ITGA8: variants seen among roughly 807,000 people sequenced by gnomAD.
The protein encoded by ITGA8 is integrin subunit alpha 8.
In ITGA8, 91 loss-of-function variants were observed where a neutral mutation model predicts 142.3. The ratio of observed to expected loss-of-function variants is 0.64; its 90% CI spans 0.54 to 0.76. ITGA8 has a LOEUF of 0.76. Among genes scored for constraint, ITGA8 ranks in the 30% least tolerant of loss-of-function variants. The probability of loss-of-function intolerance (pLI) is 0.00; values close to 1 mark genes in which losing one functional copy is unlikely to be tolerated. For synonymous variants in ITGA8, 505 were observed against 485.2 expected (o/e 1.04, Z -0.54); for missense variants, 1,406 against 1,327.7 (o/e 1.06, Z -0.92).
At chr10:15,695,673 G>A (rs1270282183) in intron 2 of ITGA8, among the ~76,000 whole-genome samples, 1 of 152,306 alleles carries the variant, frequency 6.6e-6, no homozygotes, top group African/African-American at 2.4e-5. Flanking sequence ...TTTATGGCAA[G>A]GACTGAAAGT....
At chr10:15,533,414 G>A (rs1833351734) in intron 27 of ITGA8, among the ~76,000 whole-genome samples, 1 of 152,142 alleles carries the variant, frequency 6.6e-6, no homozygotes, top group Admixed American at 6.5e-5. Flanking sequence ...TTTGAGAAGG[G>A]TTTTTATACA....
At chr10:15,606,222 A>G in intron 18 of ITGA8, 63 bp downstream of exon 18, 1 of 1,444,530 alleles carries the variant, frequency 6.9e-7, no homozygotes, top group South Asian at 1.4e-5. Context: ...TCTTAAAGCC[A>G]TGAGAACAAC....
At chr10:15,654,055 C>T (rs1440440628) in intron 11 of ITGA8, among the ~76,000 whole-genome samples, 2 of 152,054 alleles carry the variant, frequency 1.3e-5, no homozygotes, top group Non-Finnish European at 2.9e-5. Context: ...AGGCTGGCCT[C>T]GACCTCCTGA....
At chr10:15,648,133 T>G (rs1834020892) in intron 11 of ITGA8, among the ~76,000 whole-genome samples, 1 of 152,192 alleles carries the variant, frequency 6.6e-6, no homozygotes, top group East Asian at 1.9e-4. Flanking sequence ...TGATTTGATT[T>G]TTTAAAAAGG....
chr10:15,571,204 G>T (rs984750596), intron 25 of ITGA8, among the ~76,000 whole-genome samples: 2 of 152,162 alleles, frequency 1.3e-5, no homozygotes, highest in African/African-American at 4.8e-5. Context: ...TGAATAGGAG[G>T]CATGTTGGGT....
chr10:15,594,791 C>CA (rs36000683), intron 21 of ITGA8, among the ~76,000 whole-genome samples: 2,468 of 151,798 alleles, frequency 0.016, 28 homozygotes, highest in African/African-American at 0.028. Context: ...CAAAACAAAA[C>CA]AAAAAAAATG....
intron 2 of ITGA8, 88 bp from the exon 3 acceptor site, chr10:15,688,126 G>A: frequency 2.3e-6 from 2 of 881,716 alleles, no homozygotes; most frequent in East Asian, 4.9e-5. Flanking sequence ...AAAAATACTT[G>A]AACTAATACC....
intron 28 of ITGA8, among the ~76,000 whole-genome samples, chr10:15,528,579 T>C (rs1833224950): frequency 6.6e-6 from 1 of 151,990 alleles, no homozygotes; most frequent in South Asian, 2.1e-4. Flanking sequence ...CGGATTATTT[T>C]GTGGATCTTT....
At chr10:15,704,903 T>C (rs1183428882) in intron 2 of ITGA8, among the ~76,000 whole-genome samples, 1 of 152,234 alleles carries the variant, frequency 6.6e-6, no homozygotes, top group African/African-American at 2.4e-5. Flanking sequence ...TTACATGGTC[T>C]TATATTTCTA....
At chr10:15,672,495 C>G in intron 7 of ITGA8, 129 bp downstream of exon 7, 4 of 1,112,102 alleles carry the variant, frequency 3.6e-6, no homozygotes, top group African/African-American at 3.2e-5. Context: ...AAAATTGAGT[C>G]CACTCTAATA....
intron 26 of ITGA8, among the ~76,000 whole-genome samples, chr10:15,556,466 T>A (rs1387526544): frequency 6.6e-6 from 1 of 152,190 alleles, no homozygotes; most frequent in African/African-American, 2.4e-5. Flanking sequence ...AGTACGTGCT[T>A]GGTCTGTGCC....
intron 28 of ITGA8, among the ~76,000 whole-genome samples, chr10:15,529,367 C>T (rs1833246413): frequency 6.6e-6 from 1 of 152,138 alleles, no homozygotes; most frequent in African/African-American, 2.4e-5. Flanking sequence ...GTTAACAATT[C>T]CATCAGGTGG....
intron 20 of ITGA8, among the ~76,000 whole-genome samples, chr10:15,599,340 G>A (rs1486348276): frequency 6.6e-6 from 1 of 151,978 alleles, no homozygotes; most frequent in Admixed American, 6.6e-5. Flanking sequence ...CTCTTAGAGT[G>A]TTCTTCATTC....
At chr10:15,597,442 A>G (rs141143884) in intron 20 of ITGA8, 143 bp from the exon 21 acceptor site, 536 of 638,440 alleles carry the variant, frequency 8.4e-4, no homozygotes, top group Non-Finnish European at 1.2e-3. Flanking sequence ...ATGACCCTTA[A>G]CTCAGAAGAG....
At chr10:15,553,107 A>G (rs996103053) in intron 26 of ITGA8, among the ~76,000 whole-genome samples, 1 of 152,072 alleles carries the variant, frequency 6.6e-6, no homozygotes, top group Non-Finnish European at 1.5e-5. Context: ...AAACACAAAA[A>G]TTAGCCGGGC....
chr10:15,602,244 G>A (rs1295018328), intron 20 of ITGA8, among the ~76,000 whole-genome samples: 3 of 152,144 alleles, frequency 2.0e-5, no homozygotes, highest in South Asian at 2.1e-4. Flanking sequence ...TTGTTTATGC[G>A]TTATCTGCAG....
intron 23 of ITGA8, among the ~76,000 whole-genome samples, chr10:15,576,445 CA>C (rs1834299862): frequency 6.6e-6 from 1 of 152,126 alleles, no homozygotes; most frequent in African/African-American, 2.4e-5. Flanking sequence ...GGGTAGTCCT[CA>C]AAACAAACCA....
chr10:15,719,859 C>T lies in ITGA8; in HGVS notation c.-88G>A. 2.0e-6 allele frequency: 2 copies of T among 1,014,392 alleles called. No individual in the cohort carries two copies. Among genetic ancestry groups the T allele is most frequent in the Non-Finnish European group, 2.6e-6 (2 of 775,926 alleles). 62.8% of individuals were successfully genotyped at this position (1,014,392 alleles called of 1,614,324 possible). A position where few individuals can be genotyped will look rare whatever the true frequency, so the allele number is the denominator to read the frequency against. On this transcript the variant is annotated 5_prime_UTR_variant, in exon 1 of 30. Transcript: ENST00000378076. ...AGGGGGGCTGGTGGAATCTGGCGGTCCCCAGCTGCCCGTGTCCCGGGTCGG... is the reference window on the plus strand; with the variant it reads ...AGGGGGGCTGGTGGAATCTGGCGGTTCCCAGCTGCCCGTGTCCCGGGTCGG...
At chr10:15,709,004 T>G (rs982650112) in intron 2 of ITGA8, among the ~76,000 whole-genome samples, 1 of 152,184 alleles carries the variant, frequency 6.6e-6, no homozygotes, top group Admixed American at 6.5e-5. Context: ...TCTACAGCCA[T>G]TTGGGTCTGC....
Sources: allele counts gnomAD v4.1 joint callset (sites outside exome capture counted in the v4.1 genomes callset), GRCh38; gene constraint gnomAD v4.1.1; transcripts MANE v1.5; gene names NCBI Gene and HGNC (gene_info 2026-07-23, HGNC 2026-07-21).